The following ILDR1 variants were observed in gnomAD, a reference collection of about 807,000 sequenced individuals.
ILDR1 encodes immunoglobulin like domain containing receptor 1.
A neutral mutation model predicts 62.4 loss-of-function variants in ILDR1; 56 were observed. The observed-to-expected ratio is 0.90, with a 90% CI of 0.72 to 1.12. The LOEUF is 1.12. Ranked by LOEUF, ILDR1 falls within the 50% of genes most tolerant of loss-of-function variation. The probability of loss-of-function intolerance (pLI) is 0.00; values close to 1 mark genes in which losing one functional copy is unlikely to be tolerated. For synonymous variants in ILDR1, 284 were observed against 277.8 expected (o/e 1.02, Z -0.22); for missense variants, 736 against 710.6 (o/e 1.04, Z -0.41).
the ILDR1 span, among the ~76,000 whole-genome samples, chr3:122,037,924 C>T: frequency 6.7e-6 from 1 of 149,260 alleles, no homozygotes; most frequent in Non-Finnish European, 1.5e-5. Context: ...GGTACTTCCT[C>T]TCTCTCTCTC....
the ILDR1 span, among the ~76,000 whole-genome samples, chr3:122,047,671 G>C: frequency 6.6e-6 from 1 of 152,166 alleles, no homozygotes; most frequent in East Asian, 1.9e-4. Flanking sequence ...GGAGTGACCC[G>C]ATTTTCCAGG....
At chr3:121,998,499 T>G (rs1185666760) in intron 5 of ILDR1, among the ~76,000 whole-genome samples, 6 of 152,158 alleles carry the variant, frequency 3.9e-5, no homozygotes, top group African/African-American at 1.4e-4. Context: ...GTAATCTACA[T>G]TTCTTGATTT....
At chr3:122,041,317 G>A in the ILDR1 span, among the ~76,000 whole-genome samples, 1 of 152,172 alleles carries the variant, frequency 6.6e-6, no homozygotes, top group Non-Finnish European at 1.5e-5. Flanking sequence ...ACTGCCATAA[G>A]TTTGTTATAA....
chr3:122,022,232 GGGGCAGGTGC>G lies in ILDR1; in HGVS notation c.-165_-156del. 1 of 628,376 alleles carries G rather than the reference GGGGCAGGTGC, an allele frequency of 1.6e-6. No homozygotes were observed. The highest frequency in any genetic ancestry group is 3.2e-5 in the East Asian group (1 of 31,196). 38.9% of individuals were successfully genotyped at this position (628,376 alleles called of 1,614,324 possible). A position where few individuals can be genotyped will look rare whatever the true frequency, so the allele number is the denominator to read the frequency against. On this transcript the variant is annotated 5_prime_UTR_variant, in exon 1 of 8. Coordinates refer to ENST00000344209, the MANE Select transcript of ILDR1 (RefSeq NM_001199799.2). ...GGGAGGGAGCGTCCGCTCTGGTCCCGGGGCAGGTGCCGCCCGGCTCGTCCCCACCTGCGGC... is the reference window on the plus strand; with the variant it reads ...GGGAGGGAGCGTCCGCTCTGGTCCCGCGCCCGGCTCGTCCCCACCTGCGGC...
the ILDR1 span, among the ~76,000 whole-genome samples, chr3:122,027,639 A>C: frequency 6.6e-6 from 1 of 152,240 alleles, no homozygotes; most frequent in African/African-American, 2.4e-5. Context: ...TCAGAATTTT[A>C]CAAACCGTTT....
At chr3:122,030,623 T>TATC in the ILDR1 span, among the ~76,000 whole-genome samples, 4 of 147,526 alleles carry the variant, frequency 2.7e-5, no homozygotes, top group Admixed American at 2.7e-4. Context: ...GCAAGGGTTT[T>TATC]TCTCTCTCTC....
chr3:122,039,457 T>C, the ILDR1 span, among the ~76,000 whole-genome samples: 2 of 151,998 alleles, frequency 1.3e-5, no homozygotes, highest in South Asian at 2.1e-4. Context: ...CCAGAAACCA[T>C]GTAAGTAAGA....
the ILDR1 span, among the ~76,000 whole-genome samples, chr3:122,052,815 T>C: frequency 6.6e-6 from 1 of 152,194 alleles, no homozygotes; most frequent in East Asian, 1.9e-4. Context: ...GTGATCCGCC[T>C]GCCTTGGCCT....
At chr3:122,000,922 T>C (rs1276550874) in intron 5 of ILDR1, among the ~76,000 whole-genome samples, 1 of 152,202 alleles carries the variant, frequency 6.6e-6, no homozygotes, top group African/African-American at 2.4e-5. Context: ...ACAGTTTTGT[T>C]TTCCTTTACA....
chr3:121,994,120 TAGC>T, intron 6 of ILDR1, 59 bp downstream of exon 6: 1 of 1,528,020 alleles, frequency 6.5e-7, no homozygotes, highest in East Asian at 2.4e-5. Context: ...GGTCTTGATG[TAGC>T]CCATGTTCCC....
intron 7 of ILDR1, among the ~76,000 whole-genome samples, 176 bp from the exon 8 acceptor site, chr3:121,988,584 A>G (rs2071289158): frequency 6.6e-6 from 1 of 152,190 alleles, no homozygotes; most frequent in South Asian, 2.1e-4. Context: ...CTCTCTCCCC[A>G]GGCTTAGGTT....
chr3:122,037,736 A>G, the ILDR1 span, among the ~76,000 whole-genome samples: 2 of 152,234 alleles, frequency 1.3e-5, no homozygotes, highest in South Asian at 2.1e-4. Flanking sequence ...AGAACATGAG[A>G]TTTTGGAGGG....
Position 122,009,324 on chromosome 3 carries a change from AACACACAC to A in ILDR1, c.59-2171_59-2164del, listed in dbSNP as rs60284951. Among the ~76,000 whole-genome samples the A allele has an allele frequency of 2.1e-3, 285 of 137,902 alleles. 1 individual carries two copies. The highest frequency in any genetic ancestry group is 0.012 in the South Asian group (47 of 3,978). The allele number at this position is 137,902 out of a possible 152,430, so 90.5% of individuals were successfully genotyped here. A position where few individuals can be genotyped will look rare whatever the true frequency, so the allele number is the denominator to read the frequency against. ...AACCACTGGTGTAGACTCAATTTAA[AACACACAC>A]ACACACACACACACACACACACACA... is the stretch of plus-strand genomic sequence containing the variant. On this transcript the variant is annotated intron_variant, in intron 1 of 7. Transcript: ENST00000344209.
At chr3:122,052,424 T>C in the ILDR1 span, among the ~76,000 whole-genome samples, 2 of 152,172 alleles carry the variant, frequency 1.3e-5, no homozygotes, top group Non-Finnish European at 2.9e-5. Context: ...GCAAGAACCC[T>C]CTAGGACAGC....
chr3:122,061,511 C>T, the ILDR1 span, among the ~76,000 whole-genome samples: 9 of 152,130 alleles, frequency 5.9e-5, no homozygotes, highest in African/African-American at 1.4e-4. Context: ...TCAGATTAGA[C>T]AGTAAAACAA....
At chr3:122,029,511 A>AAT in the ILDR1 span, among the ~76,000 whole-genome samples, 6,905 of 139,414 alleles carry the variant, frequency 0.05, 189 homozygotes, top group East Asian at 0.068. Flanking sequence ...GTCTAAAAAA[A>AAT]ATATATATAT....
At chr3:122,055,405 C>G in the ILDR1 span, 89 of 1,364,994 alleles carry the variant, frequency 6.5e-5, no homozygotes, top group African/African-American at 7.8e-4. Context: ...AGCTTTGCTT[C>G]TCTGCTGCTG....
the ILDR1 span, among the ~76,000 whole-genome samples, chr3:122,056,417 C>A: frequency 6.6e-6 from 1 of 152,338 alleles, no homozygotes; most frequent in South Asian, 2.1e-4. Context: ...TCACTGCAAC[C>A]TCCGCCTCTC....
At chr3:122,043,314 T>C in the ILDR1 span, among the ~76,000 whole-genome samples, 79 of 151,600 alleles carry the variant, frequency 5.2e-4, 1 homozygote, top group African/African-American at 1.8e-3. Flanking sequence ...TTTTGGTTAC[T>C]GTAGCCTTGT....
Sources: gnomAD v4.1 joint callset for allele counts (sites outside exome capture counted in the v4.1 genomes callset) on GRCh38, gnomAD v4.1.1 for gene constraint, MANE v1.5 for transcripts, NCBI Gene and HGNC (gene_info 2026-07-23, HGNC 2026-07-21) for gene names.